Variants in LRRC4C observed in about 807,000 individuals in gnomAD.
LRRC4C encodes leucine rich repeat containing 4C.
In LRRC4C, 5 loss-of-function variants were observed where a neutral mutation model predicts 33.6. The observed-to-expected ratio is 0.15, with a 90% CI of 0.08 to 0.31. The LOEUF (loss-of-function observed/expected upper bound fraction) is 0.31, where lower values mean the gene tolerates loss of function less well. LRRC4C is among the 10% of genes least tolerant of loss of function. LRRC4C has a pLI of 1.00. For synonymous variants in LRRC4C, 329 were observed against 302.0 expected (o/e 1.09, Z -0.93); for missense variants, 560 against 796.7 (o/e 0.70, Z 3.58).
chr11:40,941,391 A>G (rs1194016235), intron 1 of LRRC4C, among the ~76,000 whole-genome samples: 3 of 152,122 alleles, frequency 2.0e-5, no homozygotes, highest in Non-Finnish European at 4.4e-5. Flanking sequence ...TATGTTAAAT[A>G]TAGGTTAACT....
chr11:40,740,757 A>G (rs1416280509), intron 2 of LRRC4C, among the ~76,000 whole-genome samples: 1 of 152,066 alleles, frequency 6.6e-6, no homozygotes. Flanking sequence ...TAGTAGTTTT[A>G]AGATTTCAAG....
intron 4 of LRRC4C, among the ~76,000 whole-genome samples, chr11:40,315,301 T>C (rs1277594704): frequency 4.6e-5 from 7 of 151,836 alleles, no homozygotes; most frequent in Non-Finnish European, 8.8e-5. Context: ...GAGGAAGAAG[T>C]CATTTTTATC....
At chr11:41,263,901 A>T (rs2136761464) in intron 1 of LRRC4C, among the ~76,000 whole-genome samples, 1 of 152,212 alleles carries the variant, frequency 6.6e-6, no homozygotes, top group African/African-American at 2.4e-5. Flanking sequence ...TAGACTTAAG[A>T]TTGGGGGAAG....
intron 4 of LRRC4C, among the ~76,000 whole-genome samples, chr11:40,311,282 C>T (rs1431200758): frequency 1.3e-5 from 2 of 152,178 alleles, no homozygotes; most frequent in Admixed American, 1.3e-4. Flanking sequence ...TTCCTCTTAT[C>T]TCTACCATAC....
chr11:40,724,546 T>A (rs1472169159), intron 2 of LRRC4C, among the ~76,000 whole-genome samples: 1 of 151,142 alleles, frequency 6.6e-6, no homozygotes, highest in African/African-American at 2.4e-5. Flanking sequence ...ATAAAAAAAA[T>A]TATTGGCAAT....
chr11:40,152,342 C>T (rs569681412), intron 5 of LRRC4C, among the ~76,000 whole-genome samples: 3 of 152,254 alleles, frequency 2.0e-5, no homozygotes, highest in African/African-American at 4.8e-5. Context: ...CCTGGCACCA[C>T]GGGGATCCAC....
At chr11:41,012,978 A>T (rs1855318815) in intron 1 of LRRC4C, among the ~76,000 whole-genome samples, 1 of 152,182 alleles carries the variant, frequency 6.6e-6, no homozygotes, top group African/African-American at 2.4e-5. Flanking sequence ...TCTGGTTAAT[A>T]ATCTTTTTTC....
chr11:41,351,297 G>A (rs1157512067), intron 1 of LRRC4C, among the ~76,000 whole-genome samples: 2 of 151,766 alleles, frequency 1.3e-5, no homozygotes, highest in African/African-American at 4.8e-5. Flanking sequence ...GACAAAAAAA[G>A]AGTTTTTTAA....
chr11:41,301,190 G>A (rs1301152327), intron 1 of LRRC4C, among the ~76,000 whole-genome samples: 1 of 152,164 alleles, frequency 6.6e-6, no homozygotes, highest in Admixed American at 6.5e-5. Context: ...GCTCCTGTGA[G>A]TTGAAGTGGA....
intron 3 of LRRC4C, among the ~76,000 whole-genome samples, chr11:40,489,011 T>C (rs1159676748): frequency 1.3e-5 from 2 of 152,214 alleles, no homozygotes; most frequent in African/African-American, 2.4e-5. Context: ...GGTGCTGCAA[T>C]TTACTCACTG....
intron 3 of LRRC4C, among the ~76,000 whole-genome samples, chr11:40,560,635 G>T (rs982717946): frequency 6.6e-6 from 1 of 152,152 alleles, no homozygotes; most frequent in East Asian, 1.9e-4. Context: ...AAAAGGAAAG[G>T]CAATTTGAAA....
At chr11:40,281,968 G>A (rs1292374611) in intron 4 of LRRC4C, among the ~76,000 whole-genome samples, 1 of 152,144 alleles carries the variant, frequency 6.6e-6, no homozygotes, top group Non-Finnish European at 1.5e-5. Context: ...GGTCAAAATT[G>A]ATGAGCTAAA....
At chr11:41,443,869 C>T (rs1291424816) in intron 1 of LRRC4C, among the ~76,000 whole-genome samples, 4 of 151,274 alleles carry the variant, frequency 2.6e-5, no homozygotes, top group Non-Finnish European at 4.4e-5. Context: ...GTGATCACAC[C>T]GCCTCAGCCT....
chr11:40,578,140 G>GTTTTTTTTTTTTTTTTT lies in LRRC4C; in HGVS notation c.-270+70001_-270+70002insAAAAAAAAAAAAAAAAA. 3.7e-3 allele frequency among the ~76,000 whole-genome samples: 150 copies of GTTTTTTTTTTTTTTTTT among 40,570 alleles called. 71 individuals are homozygous for GTTTTTTTTTTTTTTTTT. The highest frequency in any genetic ancestry group is 8.8e-3 in the South Asian group (8 of 910). The allele number at this position is 40,570 out of a possible 152,430, so 26.6% of individuals were successfully genotyped here. On this transcript the variant is annotated intron_variant, in intron 3 of 6. Transcript: ENST00000528697. ...TGATATTATTGGACTTTTTTTTTTC[G>GTTTTTTTTTTTTTTTTT]GTTTTTTTTTTTTTTTTTTTTTTTT... is the stretch of plus-strand genomic sequence containing the variant.
intron 1 of LRRC4C, among the ~76,000 whole-genome samples, chr11:41,451,558 G>A (rs1404221705): frequency 6.6e-6 from 1 of 152,022 alleles, no homozygotes; most frequent in Non-Finnish European, 1.5e-5. Flanking sequence ...ACACATCCAG[G>A]AGAGTCATGG....
intron 2 of LRRC4C, among the ~76,000 whole-genome samples, chr11:40,851,032 A>G (rs1953463637): frequency 6.6e-6 from 1 of 152,160 alleles, no homozygotes; most frequent in African/African-American, 2.4e-5. Context: ...GGCAGTGAGA[A>G]TTTCAAGCCA....
chr11:40,851,965 A>G (rs1953525884), intron 2 of LRRC4C, among the ~76,000 whole-genome samples: 1 of 152,116 alleles, frequency 6.6e-6, no homozygotes, highest in Admixed American at 6.6e-5. Context: ...TAAAAGGAGC[A>G]GACTTTTTTT....
chr11:40,453,675 G>T (rs566592444), intron 3 of LRRC4C, among the ~76,000 whole-genome samples: 2 of 149,000 alleles, frequency 1.3e-5, no homozygotes, highest in South Asian at 4.2e-4. Flanking sequence ...AAAATTATCA[G>T]CAAAATACTA....
rs116720743 is a variant in LRRC4C at position 40,768,831 on chromosome 11, C to T, written c.-406-120553G>A. 3.8e-3 allele frequency among the ~76,000 whole-genome samples: 582 copies of T among 152,122 alleles called. 4 individuals are homozygous for T. Among genetic ancestry groups the T allele is most frequent in the African/African-American group, 0.013 (559 of 41,534 alleles). ...TTTAAAAGACTGGAAATGGAACATACTTGAACACAATAAAAGCCACATATG... is the reference window on the plus strand; with the variant it reads ...TTTAAAAGACTGGAAATGGAACATATTTGAACACAATAAAAGCCACATATG... On this transcript the variant is annotated intron_variant, in intron 2 of 6. Transcript: ENST00000528697.
Sources: allele counts gnomAD v4.1 joint callset (sites outside exome capture counted in the v4.1 genomes callset), GRCh38; gene constraint gnomAD v4.1.1; transcripts MANE v1.5; gene names NCBI Gene and HGNC (gene_info 2026-07-23, HGNC 2026-07-21).